Variants in RHPN2 observed in about 807,000 individuals in gnomAD.
RHPN2 encodes rhophilin Rho GTPase binding protein 2.
A neutral mutation model predicts 79.0 loss-of-function variants in RHPN2; 40 were observed. The ratio of observed to expected loss-of-function variants is 0.51; its 90% confidence interval spans 0.39 to 0.66. The LOEUF is 0.66. Ranked by LOEUF, RHPN2 falls within the 30% of genes least tolerant of loss-of-function variation. The probability of loss-of-function intolerance (pLI) is 0.00; values close to 1 mark genes in which losing one functional copy is unlikely to be tolerated. For synonymous variants in RHPN2, 285 were observed against 363.5 expected, an observed-to-expected ratio of 0.78 and a Z score of 2.46; for missense variants, 686 against 883.5, an observed-to-expected ratio of 0.78 and a Z score of 2.83.
intron 2 of RHPN2, among the ~76,000 whole-genome samples, chr19:33,037,643 G>A (rs1036948353): frequency 2.0e-5 from 3 of 151,394 alleles, no homozygotes; most frequent in African/African-American, 7.3e-5. Flanking sequence ...CAGACGTGCC[G>A]CCTTAAGAGC....
intron 1 of RHPN2, 37 bp downstream of exon 1, chr19:33,064,747 C>T (rs1224957778): frequency 2.0e-6 from 3 of 1,506,504 alleles, no homozygotes; most frequent in Admixed American, 2.0e-5. Context: ...AGGTCTGGAG[C>T]CCGCAGGTCC....
rs767107500 is a variant in RHPN2 at position 33,003,041 on chromosome 19, A to G, written c.761-41T>C. The G allele has an allele frequency of 2.5e-6, 4 of 1,576,524 alleles. No individual in the cohort carries two copies. The African/African-American group carries it at 5.4e-5, about 21-fold the overall frequency. On this transcript the variant is annotated intron_variant, in intron 7 of 14. Transcript: ENST00000254260. ...GTTTTGCCCATTAGTTCGGGTTCAT[A>G]TTTACTTCATCACGTTGCTATAGAG...
chr19:33,021,538 ACT>A lies in RHPN2; in HGVS notation c.390+31_390+32del, dbSNP rs752451579. On this transcript the variant is annotated intron_variant, in intron 4 of 14. Coordinates refer to ENST00000254260, the MANE Select transcript of RHPN2 (RefSeq NM_033103.5). The stretch of plus-strand genomic sequence containing the variant: ...CAAATGGCCTATTTCCATTTTAAAC[ACT>A]GAGTCTGGTGCCCATGGCTTTGAGA... 8 of 1,578,906 alleles carry A rather than the reference ACT, an allele frequency of 5.1e-6. No individual in the cohort carries two copies. The African/African-American group carries it at 6.7e-5, about 13-fold the overall frequency.
chr19:33,015,976 G>A (rs1971874376), intron 4 of RHPN2, among the ~76,000 whole-genome samples: 2 of 152,072 alleles, frequency 1.3e-5, no homozygotes, highest in Admixed American at 1.3e-4. Context: ...CTTGGACCTG[G>A]GGGGCAGAGG....
chr19:33,023,907 G>C (rs575090148), intron 3 of RHPN2, among the ~76,000 whole-genome samples: 1 of 152,242 alleles, frequency 6.6e-6, no homozygotes, highest in East Asian at 1.9e-4. Context: ...GGCCACTCTA[G>C]AGCCCAGGGA....
Position 32,979,897 on chromosome 19 carries a change from T to A in RHPN2, c.*99A>T. On this transcript the variant is annotated 3_prime_UTR_variant, in exon 15 of 15. Coordinates refer to ENST00000254260, the MANE Select transcript of RHPN2 (RefSeq NM_033103.5). Reference sequence around the variant, plus strand: ...TTTACACTATGAGAAAAACAGGATTTGAGAACAGATAGATAGATATTTTCC... The same window carrying A: ...TTTACACTATGAGAAAAACAGGATTAGAGAACAGATAGATAGATATTTTCC... The A allele has an allele frequency of 7.1e-7, 1 of 1,416,134 alleles. No homozygotes were observed. The highest frequency in any genetic ancestry group is 2.3e-5 in the East Asian group (1 of 43,892). 87.7% of individuals were successfully genotyped at this position (1,416,134 alleles called of 1,614,324 possible). A position where few individuals can be genotyped will look rare whatever the true frequency, so the allele number is the denominator to read the frequency against.
At chr19:33,035,839 G>T (rs949102368) in intron 2 of RHPN2, among the ~76,000 whole-genome samples, 1 of 152,084 alleles carries the variant, frequency 6.6e-6, no homozygotes, top group Admixed American at 6.6e-5. Flanking sequence ...ATATCGGGCC[G>T]GGCGCCATGG....
chr19:33,034,891 G>A (rs1913434615), intron 2 of RHPN2, among the ~76,000 whole-genome samples: 1 of 152,044 alleles, frequency 6.6e-6, no homozygotes, highest in African/African-American at 2.4e-5. Flanking sequence ...TTGAGGCTAG[G>A]AGTTCAAGAC....
rs113020257 is a variant in RHPN2 at position 33,002,547 on chromosome 19, C to A, written c.949-144G>T. 12 of 1,015,142 alleles carry A rather than the reference C, an allele frequency of 1.2e-5. No homozygotes were observed. The Admixed American group carries it at 2.0e-4, about 17-fold the overall frequency. The allele number at this position is 1,015,142 out of a possible 1,614,324, so 62.9% of individuals were successfully genotyped here. A position where few individuals can be genotyped will look rare whatever the true frequency, so the allele number is the denominator to read the frequency against. On this transcript the variant is annotated intron_variant, in intron 8 of 14. Coordinates refer to ENST00000254260, the MANE Select transcript of RHPN2 (RefSeq NM_033103.5). ...GAATCTGGGAGCAACTCCAAGAGAC[C>A]CCTCGTTCTGTCATTGTCACAGTTA...
chr19:33,007,960 G>A, intron 7 of RHPN2, 54 bp downstream of exon 7: 1 of 1,600,308 alleles, frequency 6.2e-7, no homozygotes, highest in Non-Finnish European at 8.5e-7. Context: ...GGGGTCCCCT[G>A]GTGCCACCGG....
At chr19:32,982,324 T>C (rs1171616863) in intron 14 of RHPN2, among the ~76,000 whole-genome samples, 2 of 151,880 alleles carry the variant, frequency 1.3e-5, no homozygotes, top group Admixed American at 1.3e-4. Flanking sequence ...GAAGAATCAC[T>C]TGAACCCAGG....
At chr19:33,007,516 A>G (rs1971801064) in intron 7 of RHPN2, among the ~76,000 whole-genome samples, 1 of 151,722 alleles carries the variant, frequency 6.6e-6, no homozygotes, top group African/African-American at 2.4e-5. Flanking sequence ...AAATAAATAA[A>G]TAAATAAATA....
chr19:33,043,549 CCAAA>C (rs1972118001), intron 2 of RHPN2, among the ~76,000 whole-genome samples: 1 of 152,170 alleles, frequency 6.6e-6, no homozygotes. Flanking sequence ...AAGACTGTCT[CCAAA>C]CAAACAAAAA....
Position 32,990,635 on chromosome 19 carries a change from G to A in RHPN2, c.1679C>T (p.Ser560Phe). The change falls in exon 14 of 15, where the codon TCC becomes TTC. Residue 560 changes from serine to phenylalanine, a missense_variant. Ser to Phe is a radical substitution (Grantham distance 155, BLOSUM62 -2). Transcript: ENST00000254260. Reference protein sequence around the residue: ...AGAREGDYIVSIQLVDCKWLT... With the variant: ...AGAREGDYIVFIQLVDCKWLT... Reference sequence around the variant, plus strand: ...CCACTTACAATCCACAAGCTGAATGGAGACAATATAATCTCCTTCCCGGGC... The same window carrying A: ...CCACTTACAATCCACAAGCTGAATGAAGACAATATAATCTCCTTCCCGGGC... The A allele has an allele frequency of 6.2e-7, 1 of 1,613,878 alleles. No individual in the cohort carries two copies. The highest frequency in any genetic ancestry group is 8.5e-7 in the Non-Finnish European group (1 of 1,179,860).
chr19:33,033,551 C>A (rs891263062), intron 2 of RHPN2, among the ~76,000 whole-genome samples: 4 of 145,324 alleles, frequency 2.8e-5, no homozygotes, highest in African/African-American at 1.0e-4. Flanking sequence ...GGCGACAGAG[C>A]GAGTCTCCAT....
Position 33,064,872 on chromosome 19 carries a change from A to T in RHPN2, c.-20T>A. ...GGTCATGCTAGCGGCGCGGGCGCGG[A>T]GGGCGGACGGCGGACTGAGGCGCGG... On this transcript the variant is annotated 5_prime_UTR_variant, in exon 1 of 15. Coordinates refer to ENST00000254260, the MANE Select transcript of RHPN2 (RefSeq NM_033103.5). 6.9e-7 allele frequency: 1 copy of T among 1,458,618 alleles called. No individual in the cohort carries two copies. The highest frequency in any genetic ancestry group is 3.0e-5 in the East Asian group (1 of 33,206). 90.4% of individuals were successfully genotyped at this position (1,458,618 alleles called of 1,614,324 possible). A position where few individuals can be genotyped will look rare whatever the true frequency, so the allele number is the denominator to read the frequency against.
At chr19:32,991,751 G>C in intron 13 of RHPN2, 72 bp downstream of exon 13, 1 of 1,597,906 alleles carries the variant, frequency 6.3e-7, no homozygotes, top group Middle Eastern at 1.8e-4. Flanking sequence ...CCTTTGACAT[G>C]GGTGAACCCA....
Position 33,027,742 on chromosome 19 carries a change from G to T in RHPN2, c.186-1110C>A, listed in dbSNP as rs1361333171. 2.6e-5 allele frequency among the ~76,000 whole-genome samples: 4 copies of T among 151,850 alleles called. No homozygotes were observed. In the East Asian group the frequency reaches 7.7e-4, roughly 29 times the overall value. The stretch of plus-strand genomic sequence containing the variant: ...ATCAATATAATATAATATATTAACA[G>T]AATAAAGGACAAAAAAACACATGGT... On this transcript the variant is annotated intron_variant, in intron 2 of 14. Coordinates refer to ENST00000254260, the MANE Select transcript of RHPN2 (RefSeq NM_033103.5).
Position 32,990,137 on chromosome 19 carries a change from TAAAGAAAG to T in RHPN2, c.1800+369_1800+376del, listed in dbSNP as rs67167337. ...AAATAAAATTAAAAAAGAAAATGAATAAAGAAAGAAAGAAAGAAAGAAAGAAAGAGCGA... is the reference window on the plus strand; with the variant it reads ...AAATAAAATTAAAAAAGAAAATGAATAAAGAAAGAAAGAAAGAAAGAGCGA... On this transcript the variant is annotated intron_variant, in intron 14 of 14. Coordinates refer to ENST00000254260, the MANE Select transcript of RHPN2 (RefSeq NM_033103.5). 2.0e-3 allele frequency among the ~76,000 whole-genome samples: 36 copies of T among 17,882 alleles called. 1 individual carries two copies. Among genetic ancestry groups the T allele is most frequent in the East Asian group, 8.2e-3 (19 of 2,308 alleles). The allele number at this position is 17,882 out of a possible 152,430, so 11.7% of individuals were successfully genotyped here.
Sources: gnomAD v4.1 joint callset for allele counts (sites outside exome capture counted in the v4.1 genomes callset) on GRCh38, gnomAD v4.1.1 for gene constraint, MANE v1.5 for transcripts, NCBI Gene and HGNC (gene_info 2026-07-23, HGNC 2026-07-21) for gene names.